Variants in GNA12 observed in about 807,000 individuals in gnomAD.
GNA12 encodes the protein guanine nucleotide-binding protein subunit alpha-12.
Under a neutral mutation model 26.0 loss-of-function variants are expected in GNA12, and 9 were observed. That is an observed-to-expected ratio of 0.35 (90% CI 0.21 to 0.60). The LOEUF (loss-of-function observed/expected upper bound fraction) is 0.60, where lower values mean the gene tolerates loss of function less well. GNA12 is among the 20% of genes least tolerant of loss of function. The pLI is 0.78. For missense variants in GNA12, 405 were observed against 525.8 expected (o/e 0.77, Z 2.25); for synonymous variants, 264 against 219.6 (o/e 1.20, Z -1.79).
chr7:2,833,502 C>A (rs1182183), intron 1 of GNA12, among the ~76,000 whole-genome samples: 3 of 152,098 alleles, frequency 2.0e-5, no homozygotes, highest in East Asian at 3.9e-4. Context: ...CTAATTATTT[C>A]GTTAAGATAA....
At chr7:2,792,829 G>C (rs759136571) in intron 2 of GNA12, among the ~76,000 whole-genome samples, 1 of 152,196 alleles carries the variant, frequency 6.6e-6, no homozygotes, top group Non-Finnish European at 1.5e-5. Context: ...ATGCCCTGGA[G>C]GACATTAACA....
rs147451721 is a variant in GNA12 at position 2,765,980 on chromosome 7, T to C, written c.525+28948A>G. On this transcript the variant is annotated intron_variant, in intron 2 of 3. Transcript: ENST00000275364. ...TTTAAAAAGTGTAGTAAAAAACATA[T>C]TGACATAAAATTTACCATCTTAATC... is the stretch of plus-strand genomic sequence containing the variant. 1.7e-3 allele frequency among the ~76,000 whole-genome samples: 251 copies of C among 151,506 alleles called. 1 individual carries two copies. Among genetic ancestry groups the C allele is most frequent in the Middle Eastern group, 0.01 (3 of 292 alleles).
intron 1 of GNA12, among the ~76,000 whole-genome samples, chr7:2,843,004 GTA>G (rs1355102793): frequency 1.3e-5 from 2 of 152,164 alleles, no homozygotes; most frequent in East Asian, 3.8e-4. Context: ...TGAAGTTTTC[GTA>G]TTAGAAAGTG....
intron 1 of GNA12, among the ~76,000 whole-genome samples, chr7:2,806,472 A>C (rs1329919959): frequency 6.6e-6 from 1 of 151,296 alleles, no homozygotes; most frequent in Non-Finnish European, 1.5e-5. Flanking sequence ...AAAAAAAAAA[A>C]AAAAAAGAAA....
At chr7:2,743,315 G>A (rs1790601586) in intron 2 of GNA12, among the ~76,000 whole-genome samples, 1 of 152,176 alleles carries the variant, frequency 6.6e-6, no homozygotes, top group South Asian at 2.1e-4. Flanking sequence ...TTAGATGGAT[G>A]AACAGAACAG....
intron 2 of GNA12, among the ~76,000 whole-genome samples, chr7:2,743,654 G>A (rs368925780): frequency 2.0e-4 from 31 of 152,282 alleles, no homozygotes; most frequent in East Asian, 7.7e-4. Flanking sequence ...CTGAGGTACC[G>A]GGTTCATCTC....
At chr7:2,843,594 CTG>C (rs1435717637) in intron 1 of GNA12, among the ~76,000 whole-genome samples, 49 of 151,834 alleles carry the variant, frequency 3.2e-4, no homozygotes, top group East Asian at 1.9e-4. Flanking sequence ...CTGCAGTGAG[CTG>C]TGAGGGCGCC....
intron 2 of GNA12, among the ~76,000 whole-genome samples, chr7:2,740,130 C>T (rs1190442765): frequency 1.3e-5 from 2 of 152,116 alleles, no homozygotes; most frequent in Non-Finnish European, 2.9e-5. Flanking sequence ...AAACGGTGGC[C>T]ATCCTACTAG....
intron 1 of GNA12, among the ~76,000 whole-genome samples, chr7:2,814,030 C>T (rs1490915012): frequency 6.6e-6 from 1 of 152,172 alleles, no homozygotes; most frequent in African/African-American, 2.4e-5. Flanking sequence ...GCTTGGACAT[C>T]TCATCCTCTC....
chr7:2,820,616 C>T (rs1045784117), intron 1 of GNA12, among the ~76,000 whole-genome samples: 1 of 152,236 alleles, frequency 6.6e-6, no homozygotes, highest in African/African-American at 2.4e-5. Context: ...GGAAGTGACA[C>T]ACAGTGTGGC....
chr7:2,745,431 T>C (rs983255231), intron 2 of GNA12, among the ~76,000 whole-genome samples: 3 of 152,078 alleles, frequency 2.0e-5, no homozygotes, highest in Admixed American at 1.3e-4. Flanking sequence ...GCTTCATAAG[T>C]GAAGGAGAAA....
chr7:2,828,611 G>C, intron 1 of GNA12, among the ~76,000 whole-genome samples: 1 of 152,218 alleles, frequency 6.6e-6, no homozygotes, highest in Non-Finnish European at 1.5e-5. Context: ...AAGTCCTCTA[G>C]CTCCTGTTAC....
At position 2,818,671 on chromosome 7, in the gene GNA12, G is replaced by A. The variant is rs939148131; in HGVS notation, c.310-23528C>T. Among the ~76,000 whole-genome samples the A allele has an allele frequency of 5.3e-5, 8 of 151,668 alleles. No individual in the cohort carries two copies. In the South Asian group the frequency reaches 1.7e-3, roughly 32 times the overall value. On this transcript the variant is annotated intron_variant, in intron 1 of 3. Coordinates refer to ENST00000275364, the MANE Select transcript of GNA12 (RefSeq NM_007353.3). ...CCAGCTCCTCAAGTGGCTGAGGCAT[G>A]AGAATTGCCTGAGCCCAGGAGGTGG...
chr7:2,745,466 T>C (rs530713056), intron 2 of GNA12, among the ~76,000 whole-genome samples: 125 of 152,224 alleles, frequency 8.2e-4, no homozygotes, highest in Admixed American at 7.8e-3. Context: ...GACAAGCAAA[T>C]GCTGAGAGAT....
intron 2 of GNA12, among the ~76,000 whole-genome samples, chr7:2,739,606 G>C (rs561658731): frequency 7.9e-5 from 12 of 152,340 alleles, no homozygotes; most frequent in Admixed American, 6.5e-4. Flanking sequence ...CTGTGTGGAA[G>C]TTTTTGCTTG....
At chr7:2,737,332 C>T (rs867409938) in intron 2 of GNA12, among the ~76,000 whole-genome samples, 47 of 133,030 alleles carry the variant, frequency 3.5e-4, no homozygotes, top group South Asian at 1.5e-3. Flanking sequence ...CCTGTCGCCC[C>T]GGCTGGAGTG....
chr7:2,752,690 A>G (rs891681651), intron 2 of GNA12, among the ~76,000 whole-genome samples: 1 of 152,224 alleles, frequency 6.6e-6, no homozygotes, highest in Non-Finnish European at 1.5e-5. Context: ...TGTAAAAGCA[A>G]TTCCGTTTTT....
intron 2 of GNA12, among the ~76,000 whole-genome samples, chr7:2,771,387 T>C (rs1412708075): frequency 6.6e-6 from 1 of 152,040 alleles, no homozygotes; most frequent in Non-Finnish European, 1.5e-5. Flanking sequence ...TGTGGGACCA[T>C]CATAACAGCC....
intron 2 of GNA12, among the ~76,000 whole-genome samples, chr7:2,759,720 T>A (rs887809024): frequency 6.6e-6 from 1 of 152,164 alleles, no homozygotes; most frequent in Admixed American, 6.5e-5. Context: ...GAGAGAGATG[T>A]ATACACTTCA....
Sources: gnomAD v4.1 joint callset for allele counts (sites outside exome capture counted in the v4.1 genomes callset) on GRCh38, gnomAD v4.1.1 for gene constraint, MANE v1.5 for transcripts, NCBI Gene and HGNC (gene_info 2026-07-23, HGNC 2026-07-21) for gene names.